DIP2C: variants seen among roughly 807,000 people sequenced by gnomAD.
The protein encoded by DIP2C is DIP2 acetate--CoA ligase C (putative).
In DIP2C, 33 loss-of-function variants were observed where a neutral mutation model predicts 192.4. That is an observed-to-expected ratio of 0.17 (90% CI 0.13 to 0.23). DIP2C has a LOEUF of 0.23. Among genes scored for constraint, DIP2C ranks in the 10% least tolerant of loss-of-function variants. The pLI, the probability that DIP2C is intolerant of heterozygous loss-of-function variation, is 1.00. For synonymous variants in DIP2C, 979 were observed against 864.1 expected (o/e 1.13, Z -2.33); for missense variants, 1,537 against 2,110.1 (o/e 0.73, Z 5.32).
chr10:289,358 G>A (rs539006793), intron 32 of DIP2C, among the ~76,000 whole-genome samples: 48 of 151,960 alleles, frequency 3.2e-4, no homozygotes, highest in African/African-American at 1.1e-3. Flanking sequence ...CAGTCTGACC[G>A]CCTGGCCTCA....
At chr10:548,467 GCA>G (rs1848417167) in intron 1 of DIP2C, among the ~76,000 whole-genome samples, 4 of 150,382 alleles carry the variant, frequency 2.7e-5, no homozygotes, top group African/African-American at 9.9e-5. Flanking sequence ...AGGGAGGGAG[GCA>G]GGCAGGCAGG....
At chr10:599,533 C>T (rs995704559) in intron 1 of DIP2C, among the ~76,000 whole-genome samples, 2 of 152,210 alleles carry the variant, frequency 1.3e-5, no homozygotes, top group African/African-American at 4.8e-5. Flanking sequence ...ATCTGACCAG[C>T]TGTTCACTCG....
chr10:619,518 G>GCCAGGGCCAGGA (rs1554757141), intron 1 of DIP2C, among the ~76,000 whole-genome samples: 2 of 104,310 alleles, frequency 1.9e-5, no homozygotes. Context: ...TTATGCCAGG[G>GCCAGGGCCAGGA]CCAGGACCAA....
intron 1 of DIP2C, among the ~76,000 whole-genome samples, chr10:494,479 C>T (rs1844671665): frequency 6.6e-6 from 1 of 152,232 alleles, no homozygotes. Flanking sequence ...ATCATTTAAG[C>T]AGCTGCATAG....
Position 524,842 on chromosome 10 carries a change from C to A in DIP2C, c.86-38312G>T, listed in dbSNP as rs77206497. The stretch of plus-strand genomic sequence containing the variant: ...AAGAAAAACTGCTCTACAGGACTTT[C>A]GCTATTTTAAAGCGTAATGATGTCC... On this transcript the variant is annotated intron_variant, in intron 1 of 36. Transcript: ENST00000280886. 5.9e-5 allele frequency among the ~76,000 whole-genome samples: 9 copies of A among 152,032 alleles called. No homozygotes were observed. The East Asian group carries it at 1.5e-3, about 26-fold the overall frequency.
intron 1 of DIP2C, among the ~76,000 whole-genome samples, chr10:647,038 T>G (rs1464312821): frequency 1.3e-5 from 2 of 152,108 alleles, no homozygotes; most frequent in Non-Finnish European, 2.9e-5. Context: ...ATGTCCACAT[T>G]TGACAGTAGG....
chr10:423,052 G>T lies in DIP2C; in HGVS notation c.395-19C>A, dbSNP rs1966315619. The T allele has an allele frequency of 6.3e-7, 1 of 1,578,742 alleles. No individual in the cohort carries two copies. The highest frequency in any genetic ancestry group is 1.3e-5 in the African/African-American group (1 of 74,254). On this transcript the variant is annotated intron_variant, in intron 4 of 36. Transcript: ENST00000280886. The stretch of plus-strand genomic sequence containing the variant: ...GAGGTATCTGTGTAAGAAGAAAGGT[G>T]ATTTGCTGTATGTTGCAGCAAAAAC...
At chr10:684,676 C>G (rs1831247275) in intron 1 of DIP2C, among the ~76,000 whole-genome samples, 1 of 152,128 alleles carries the variant, frequency 6.6e-6, no homozygotes, top group African/African-American at 2.4e-5. Flanking sequence ...TCCAAAGCCA[C>G]AAATATCTGT....
At chr10:332,502 C>G (rs1475641915) in intron 29 of DIP2C, among the ~76,000 whole-genome samples, 1 of 152,124 alleles carries the variant, frequency 6.6e-6, no homozygotes, top group African/African-American at 2.4e-5. Context: ...TCACTCAATA[C>G]AGCAAATTTT....
At chr10:560,236 A>G (rs997697485) in intron 1 of DIP2C, among the ~76,000 whole-genome samples, 10 of 152,202 alleles carry the variant, frequency 6.6e-5, no homozygotes, top group African/African-American at 2.4e-4. Flanking sequence ...AGGGGTGGAG[A>G]AGACACGCGA....
At chr10:602,624 C>T (rs1480766833) in intron 1 of DIP2C, among the ~76,000 whole-genome samples, 9 of 152,190 alleles carry the variant, frequency 5.9e-5, no homozygotes, top group African/African-American at 9.7e-5. Flanking sequence ...TGACCTCGGA[C>T]TTCCCAGCCT....
intron 1 of DIP2C, among the ~76,000 whole-genome samples, chr10:603,652 T>C (rs375415618): frequency 8.5e-5 from 13 of 152,368 alleles, no homozygotes; most frequent in African/African-American, 2.6e-4. Flanking sequence ...CATCTCATTA[T>C]AATTTAGGGC....
At chr10:582,552 C>T (rs959240031) in intron 1 of DIP2C, among the ~76,000 whole-genome samples, 23 of 152,162 alleles carry the variant, frequency 1.5e-4, no homozygotes, top group African/African-American at 5.6e-4. Context: ...CACTGCATGC[C>T]AGCCTGGGTG....
chr10:389,471 G>C (rs1042498236), intron 13 of DIP2C, among the ~76,000 whole-genome samples: 1 of 152,172 alleles, frequency 6.6e-6, no homozygotes, highest in Non-Finnish European at 1.5e-5. Context: ...CCAATGCAGA[G>C]ACTCTGACTC....
At chr10:576,353 A>AG (rs1850156272) in intron 1 of DIP2C, among the ~76,000 whole-genome samples, 1 of 152,224 alleles carries the variant, frequency 6.6e-6, no homozygotes, top group African/African-American at 2.4e-5. Context: ...GTGTGTTGAA[A>AG]GGCAATGTTA....
chr10:553,792 C>T (rs7913021), intron 1 of DIP2C, among the ~76,000 whole-genome samples: 23,564 of 129,324 alleles, frequency 0.18, 3,014 homozygotes, highest in African/African-American at 0.43. Flanking sequence ...AAAGGTATAC[C>T]GCTTGTAACT....
In DIP2C at chr10:585,239, C is replaced by CCA. The variant is rs1276365530; in HGVS notation, c.86-98711_86-98710dup. Among the ~76,000 whole-genome samples the CCA allele has an allele frequency of 3.9e-5, 6 of 152,344 alleles. No homozygotes were observed. In the East Asian group the frequency reaches 1.2e-3, roughly 29 times the overall value. On this transcript the variant is annotated intron_variant, in intron 1 of 36. Transcript: ENST00000280886. ...CTGACTTCGTCAGAGCAAGCGTTCC[C>CCA]CATCCCACGCCACCCTGTTTTTCTC...
chr10:480,477 T>A (rs1361833054), intron 2 of DIP2C, among the ~76,000 whole-genome samples: 1 of 152,172 alleles, frequency 6.6e-6, no homozygotes, highest in Non-Finnish European at 1.5e-5. Context: ...TGGATGACGG[T>A]CTCATCTACC....
chr10:321,593 A>T (rs1332810373), intron 31 of DIP2C, among the ~76,000 whole-genome samples: 2 of 143,696 alleles, frequency 1.4e-5, no homozygotes, highest in African/African-American at 5.4e-5. Flanking sequence ...GGCTCCAGCG[A>T]GAGACCGGCG....
Sources: allele counts gnomAD v4.1 joint callset (sites outside exome capture counted in the v4.1 genomes callset), GRCh38; gene constraint gnomAD v4.1.1; transcripts MANE v1.5; gene names NCBI Gene and HGNC (gene_info 2026-07-23, HGNC 2026-07-21).